The following IQCH variants were observed in gnomAD, a reference collection of about 807,000 sequenced individuals.
The protein encoded by IQCH is IQ domain-containing protein H.
Under a neutral mutation model 117.0 loss-of-function variants are expected in IQCH, and 98 were observed. The observed-to-expected ratio is 0.84, with a 90% CI of 0.71 to 0.99. The LOEUF is 0.99. Ranked by LOEUF, IQCH falls within the 50% of genes least tolerant of loss-of-function variation. The probability of loss-of-function intolerance (pLI) is 0.00; values close to 1 mark genes in which losing one functional copy is unlikely to be tolerated. For missense variants in IQCH, 1,102 were observed against 1,243.8 expected (o/e 0.89, Z 1.72); for synonymous variants, 412 against 448.2 (o/e 0.92, Z 1.02).
intron 4 of IQCH, among the ~76,000 whole-genome samples, chr15:67,285,309 T>C (rs77662758): frequency 4.6e-5 from 7 of 150,664 alleles, no homozygotes; most frequent in East Asian, 1.9e-4. Flanking sequence ...GTTTTTTTTT[T>C]CTCAGAAATT....
rs1353063392 is a variant in IQCH, at chr15:67,408,996, A to G, written c.2098-7935A>G. 2.0e-5 allele frequency among the ~76,000 whole-genome samples: 3 copies of G among 152,218 alleles called. No individual in the cohort carries two copies. The highest frequency in any genetic ancestry group is 7.2e-5 in the African/African-American group (3 of 41,452). ...ATGTTAAAAACGTTTCTAAAACACC[A>G]GTCACTTGCTGCTGTAACTACTTTT... On this transcript the variant is annotated intron_variant, in intron 14 of 20. Transcript: ENST00000335894. This position sits in a 1 kb window ranked among gnomAD's most constrained non-coding sequence, Gnocchi z 4.2.
intron 4 of IQCH, among the ~76,000 whole-genome samples, chr15:67,327,798 A>G (rs574164458): frequency 2.0e-5 from 3 of 152,186 alleles, no homozygotes; most frequent in African/African-American, 7.2e-5. Flanking sequence ...TTTCAGATAC[A>G]TGGAGCTCAG....
At chr15:67,295,261 G>T (rs1966845407) in intron 4 of IQCH, among the ~76,000 whole-genome samples, 1 of 151,980 alleles carries the variant, frequency 6.6e-6, no homozygotes, top group Non-Finnish European at 1.5e-5. Context: ...CTCTTTCTTT[G>T]TAATAACACC....
At chr15:67,285,980 T>C (rs1440988870) in intron 4 of IQCH, among the ~76,000 whole-genome samples, 3 of 152,226 alleles carry the variant, frequency 2.0e-5, no homozygotes, top group Admixed American at 2.0e-4. Flanking sequence ...AAGAATGTCA[T>C]TGGTACTTTG....
At chr15:67,435,718 T>C (rs7495865) in intron 16 of IQCH, among the ~76,000 whole-genome samples, 150,861 of 152,048 alleles carry the variant, frequency 0.99, 74,849 homozygotes, top group Middle Eastern at 1. Context: ...ACTAAAAATA[T>C]AAAAATTAGC....
chr15:67,371,569 G>T (rs1356808579), intron 8 of IQCH: 4 of 1,268,862 alleles, frequency 3.2e-6, no homozygotes, highest in South Asian at 1.3e-5. Context: ...TTGTAAAAAT[G>T]ACCTCTGGAT....
rs1347650895 is a variant in IQCH at position 67,447,014 on chromosome 15, G to C, written c.2506-18113G>C. On this transcript the variant is annotated intron_variant, in intron 16 of 20. Transcript: ENST00000335894. The surrounding 1 kb of genome is among the most constrained non-coding windows in gnomAD (Gnocchi z 5.3). ...GCATTTGTTTCCCTCGCCAGGCTGAGAGCAATCAACAGGGTCAAGCACAGT... is the reference window on the plus strand; with the variant it reads ...GCATTTGTTTCCCTCGCCAGGCTGACAGCAATCAACAGGGTCAAGCACAGT... Among the ~76,000 whole-genome samples the C allele has an allele frequency of 6.6e-6, 1 of 152,192 alleles. No individual in the cohort carries two copies. The highest frequency in any genetic ancestry group is 1.5e-5 in the Non-Finnish European group (1 of 68,044).
At chr15:67,483,797 G>C (rs549459201) in intron 18 of IQCH, among the ~76,000 whole-genome samples, 3 of 152,270 alleles carry the variant, frequency 2.0e-5, no homozygotes, top group Non-Finnish European at 4.4e-5. Flanking sequence ...CCAAAAATTT[G>C]TGTGTGGATG....
chr15:67,304,752 A>T (rs1283465246), intron 4 of IQCH, among the ~76,000 whole-genome samples: 1 of 152,160 alleles, frequency 6.6e-6, no homozygotes. Flanking sequence ...AAAAGAATTA[A>T]TAGAGAAATT....
At chr15:67,398,229 A>C (rs1343702097) in intron 13 of IQCH, among the ~76,000 whole-genome samples, 1 of 152,158 alleles carries the variant, frequency 6.6e-6, no homozygotes, top group Non-Finnish European at 1.5e-5. Flanking sequence ...CTTTCCTTAC[A>C]CTAGCAAAAG....
chr15:67,318,026 T>A (rs1967931874), intron 4 of IQCH, among the ~76,000 whole-genome samples: 1 of 152,190 alleles, frequency 6.6e-6, no homozygotes, highest in African/African-American at 2.4e-5. Flanking sequence ...TTCACCCCCA[T>A]GCCCAATTTT....
chr15:67,275,092 G>A (rs996538050), intron 3 of IQCH, among the ~76,000 whole-genome samples: 4 of 152,178 alleles, frequency 2.6e-5, no homozygotes, highest in Non-Finnish European at 4.4e-5. Flanking sequence ...AATATCTAGG[G>A]TTGGGATGGT....
At chr15:67,377,544 C>T (rs2140807447) in intron 10 of IQCH, among the ~76,000 whole-genome samples, 1 of 152,294 alleles carries the variant, frequency 6.6e-6, no homozygotes. Flanking sequence ...GTTTCTTTGG[C>T]CAAGTATTTC....
In IQCH at chr15:67,359,746, TA is replaced by T; in HGVS notation, c.715-97del. On this transcript the variant is annotated intron_variant, in intron 7 of 20. Coordinates refer to ENST00000335894, the MANE Select transcript of IQCH (RefSeq NM_001031715.3). The surrounding 1 kb of genome is among the most constrained non-coding windows in gnomAD (Gnocchi z 4.5). ...AGAGAGAACAGGCTGGCCCAGCGGG[TA>T]AAATGGGGAAGGGGGTGAGGCTCTG... 3 of 1,014,318 alleles carry T rather than the reference TA, an allele frequency of 3.0e-6. No homozygotes were observed. The highest frequency in any genetic ancestry group is 1.6e-6 in the Non-Finnish European group (1 of 637,758). The allele number at this position is 1,014,318 out of a possible 1,614,324, so 62.8% of individuals were successfully genotyped here.
chr15:67,445,007 C>T lies in IQCH; in HGVS notation c.2506-20120C>T, dbSNP rs1442834217. ...ATAGTAATATTTATTTTTAAGAGCC[C>T]TTCTGTCATTTTAAATTATTTATGT... is the stretch of plus-strand genomic sequence containing the variant. On this transcript the variant is annotated intron_variant, in intron 16 of 20. Coordinates refer to ENST00000335894, the MANE Select transcript of IQCH (RefSeq NM_001031715.3). The surrounding 1 kb of genome is among the most constrained non-coding windows in gnomAD (Gnocchi z 4.3). Among the ~76,000 whole-genome samples the T allele has an allele frequency of 1.3e-5, 2 of 152,086 alleles. No individual in the cohort carries two copies. Among genetic ancestry groups the T allele is most frequent in the African/African-American group, 2.4e-5 (1 of 41,408 alleles).
intron 4 of IQCH, among the ~76,000 whole-genome samples, chr15:67,297,524 T>C (rs1966860536): frequency 6.6e-6 from 1 of 152,154 alleles, no homozygotes; most frequent in Non-Finnish European, 1.5e-5. Flanking sequence ...CTCAAATCTC[T>C]TCTGATTCAA....
Position 67,329,065 on chromosome 15 carries a change from G to A in IQCH, c.388-7910G>A, listed in dbSNP as rs188284821. ...TGTAATCCCAGCACTTTGGAAGGCT[G>A]AGATGGGAGGATCACTTGAGCCTAG... On this transcript the variant is annotated intron_variant, in intron 4 of 20. Transcript: ENST00000335894. 6.4e-4 allele frequency among the ~76,000 whole-genome samples: 97 copies of A among 152,274 alleles called. 1 individual carries two copies. The highest frequency in any genetic ancestry group is 4.3e-3 in the Admixed American group (66 of 15,280).
At chr15:67,469,136 T>TC (rs397792696) in intron 17 of IQCH, among the ~76,000 whole-genome samples, 17 of 151,678 alleles carry the variant, frequency 1.1e-4, no homozygotes, top group African/African-American at 4.1e-4. Context: ...TCTTTTTTTT[T>TC]CTCCTGTTTT....
At chr15:67,329,927 A>C (rs1426686242) in intron 4 of IQCH, among the ~76,000 whole-genome samples, 1 of 152,182 alleles carries the variant, frequency 6.6e-6, no homozygotes, top group Non-Finnish European at 1.5e-5. Flanking sequence ...AATGTAGAAA[A>C]TAACAATAGA....
Sources: gnomAD v4.1 joint callset for allele counts (sites outside exome capture counted in the v4.1 genomes callset) on GRCh38, gnomAD v4.1.1 for gene constraint, Gnocchi (gnomAD v3.1) non-coding constraint, MANE v1.5 for transcripts, NCBI Gene and HGNC (gene_info 2026-07-23, HGNC 2026-07-21) for gene names.